Variants in CRTC1 observed in about 807,000 individuals in gnomAD.
The protein encoded by CRTC1 is CREB regulated transcription coactivator 1, also known as CREB-regulated transcription coactivator 1.
CRTC1 carries 18 observed loss-of-function variants against 66.1 expected under a neutral mutation model. The ratio of observed to expected loss-of-function variants is 0.27; its 90% confidence interval spans 0.19 to 0.40. The LOEUF (loss-of-function observed/expected upper bound fraction) is 0.40, where lower values mean the gene tolerates loss of function less well. Among genes scored for constraint, CRTC1 ranks in the 10% least tolerant of loss-of-function variants. CRTC1 has a pLI of 1.00. For synonymous variants in CRTC1, 416 were observed against 398.8 expected, an observed-to-expected ratio of 1.04 and a Z score of -0.51; for missense variants, 669 against 887.9, an observed-to-expected ratio of 0.75 and a Z score of 3.13.
intron 2 of CRTC1, among the ~76,000 whole-genome samples, chr19:18,745,252 G>T (rs2054204297): frequency 6.6e-6 from 1 of 152,196 alleles, no homozygotes; most frequent in Admixed American, 6.5e-5. Flanking sequence ...CCTGGAGGAG[G>T]CTGCGGGGGA....
intron 8 of CRTC1, among the ~76,000 whole-genome samples, chr19:18,761,475 C>T (rs1359303569): frequency 1.3e-5 from 2 of 152,242 alleles, no homozygotes; most frequent in Non-Finnish European, 2.9e-5. Context: ...ATGAACCGGC[C>T]CCGGCCCACT....
intron 1 of CRTC1, among the ~76,000 whole-genome samples, chr19:18,717,408 C>G (rs1374075887): frequency 2.5e-4 from 38 of 152,074 alleles, no homozygotes; most frequent in Admixed American, 2.5e-3. Context: ...CCCTGGAGCC[C>G]TTGCCATAGA....
At chr19:18,735,434 G>A (rs1234620705) in intron 1 of CRTC1, among the ~76,000 whole-genome samples, 1 of 152,212 alleles carries the variant, frequency 6.6e-6, no homozygotes, top group Non-Finnish European at 1.5e-5. Context: ...TCCTGAGCAT[G>A]GCACTGGATC....
At position 18,781,448 on chromosome 19, in the gene CRTC1, C is replaced by G. The variant is rs1235040067; in HGVS notation, c.*4066C>G. The G allele has an allele frequency of 4.3e-6, 1 of 230,360 alleles. No individual in the cohort carries two copies. Among genetic ancestry groups the G allele is most frequent in the African/African-American group, 2.2e-5 (1 of 45,140 alleles). 14.3% of individuals were successfully genotyped at this position (230,360 alleles called of 1,614,324 possible). ...CTCCACCTGAGCCAAGTGTCCTGTT[C>G]CCTGCGGCCCTTGGCCTTCCAGGGT... is the stretch of plus-strand genomic sequence containing the variant. On this transcript the variant is annotated 3_prime_UTR_variant, in exon 14 of 14. Coordinates refer to ENST00000321949, the MANE Select transcript of CRTC1 (RefSeq NM_015321.3).
intron 1 of CRTC1, among the ~76,000 whole-genome samples, chr19:18,722,081 G>A (rs935879226): frequency 6.6e-6 from 1 of 152,200 alleles, no homozygotes; most frequent in Non-Finnish European, 1.5e-5. Flanking sequence ...TGGGTTTTGG[G>A]GATATGCACC....
intron 6 of CRTC1, among the ~76,000 whole-genome samples, chr19:18,756,026 G>GA (rs2054476580): frequency 6.6e-6 from 1 of 151,208 alleles, no homozygotes; most frequent in African/African-American, 2.4e-5. Context: ...ACTCTTACGG[G>GA]AAAAAAACTT....
chr19:18,694,502 G>A (rs1459102311), intron 1 of CRTC1, among the ~76,000 whole-genome samples: 1 of 152,032 alleles, frequency 6.6e-6, no homozygotes, highest in Non-Finnish European at 1.5e-5. Flanking sequence ...GAGATCATGC[G>A]GTCCACTGTG....
In CRTC1 at chr19:18,692,407, C is replaced by T. The variant is rs139179283; in HGVS notation, c.126+8579C>T. ...GAAAAACAGAAATTAATTCCCTCAC[C>T]GTCATCAATATGATGAAACCCCGTC... On this transcript the variant is annotated intron_variant, in intron 1 of 13. Coordinates refer to ENST00000321949, the MANE Select transcript of CRTC1 (RefSeq NM_015321.3). 8.7e-4 allele frequency among the ~76,000 whole-genome samples: 133 copies of T among 152,178 alleles called. No individual in the cohort carries two copies. The East Asian group carries it at 9.3e-3, about 11-fold the overall frequency.
At chr19:18,761,176 T>C (rs1317995855) in intron 8 of CRTC1, among the ~76,000 whole-genome samples, 2 of 152,160 alleles carry the variant, frequency 1.3e-5, no homozygotes, top group Non-Finnish European at 2.9e-5. Context: ...CTAGTCCCCT[T>C]GGCAAGGCCG....
chr19:18,712,779 G>C (rs1034559295), intron 1 of CRTC1, among the ~76,000 whole-genome samples: 10 of 151,880 alleles, frequency 6.6e-5, no homozygotes, highest in African/African-American at 2.4e-4. Context: ...GGCCAACATG[G>C]CAAAACTCTG....
intron 5 of CRTC1, among the ~76,000 whole-genome samples, chr19:18,751,269 A>G (rs532963726): frequency 6.6e-6 from 1 of 151,978 alleles, no homozygotes; most frequent in African/African-American, 2.4e-5. Flanking sequence ...CACGCCTGCA[A>G]TCCCAGCACT....
chr19:18,758,360 T>TA (rs920751999), intron 6 of CRTC1, among the ~76,000 whole-genome samples: 1,691 of 108,218 alleles, frequency 0.016, 15 homozygotes, highest in African/African-American at 0.042. Flanking sequence ...ACTCCGTCTC[T>TA]AAAAAAAAAA....
chr19:18,763,018 T>A (rs2054649537), intron 8 of CRTC1, among the ~76,000 whole-genome samples: 1 of 152,238 alleles, frequency 6.6e-6, no homozygotes, highest in Non-Finnish European at 1.5e-5. Context: ...CATCAGAGTA[T>A]AATGCTGTGT....
In CRTC1 at chr19:18,773,952, C is replaced by T. The variant is rs1230020856; in HGVS notation, c.1426-948C>T. ...TAGAACAAAGCTCAGATGGGGAGCT[C>T]CAAGGGAGAGGGCCAGGGCTTTGGG... is the stretch of plus-strand genomic sequence containing the variant. On this transcript the variant is annotated intron_variant, in intron 11 of 13. Coordinates refer to ENST00000321949, the MANE Select transcript of CRTC1 (RefSeq NM_015321.3). 2.6e-5 allele frequency among the ~76,000 whole-genome samples: 4 copies of T among 152,172 alleles called. No homozygotes were observed. The East Asian group carries it at 7.7e-4, about 29-fold the overall frequency.
intron 1 of CRTC1, among the ~76,000 whole-genome samples, chr19:18,721,400 A>C (rs1159047200): frequency 6.7e-6 from 1 of 149,298 alleles, no homozygotes; most frequent in East Asian, 2.0e-4. Context: ...TCACAGTGTT[A>C]GCCAGGATGG....
chr19:18,762,944 A>G (rs2054647187), intron 8 of CRTC1, among the ~76,000 whole-genome samples: 1 of 152,200 alleles, frequency 6.6e-6, no homozygotes, highest in African/African-American at 2.4e-5. Context: ...TGCATCTGTA[A>G]TACAGCCACA....
At chr19:18,735,036 C>T (rs954605015) in intron 1 of CRTC1, among the ~76,000 whole-genome samples, 6 of 152,346 alleles carry the variant, frequency 3.9e-5, no homozygotes, top group South Asian at 2.1e-4. Flanking sequence ...CCCCACAACA[C>T]GCACAGGTGA....
At chr19:18,765,683 G>A (rs771508446) in intron 9 of CRTC1, among the ~76,000 whole-genome samples, 155 bp downstream of exon 9, 1 of 152,186 alleles carries the variant, frequency 6.6e-6, no homozygotes, top group African/African-American at 2.4e-5. Context: ...TTTTCAAGCC[G>A]GGTGCCGTAG....
At chr19:18,691,927 G>A (rs559894586) in intron 1 of CRTC1, among the ~76,000 whole-genome samples, 129 of 152,132 alleles carry the variant, frequency 8.5e-4, no homozygotes, top group African/African-American at 3.0e-3. Context: ...TGGCCAGGCC[G>A]ATCTCGAACT....
Sources: allele counts gnomAD v4.1 joint callset (sites outside exome capture counted in the v4.1 genomes callset), GRCh38; gene constraint gnomAD v4.1.1; transcripts MANE v1.5; gene names NCBI Gene and HGNC (gene_info 2026-07-23, HGNC 2026-07-21).